CENPE: variants seen among roughly 807,000 people sequenced by gnomAD.
CENPE encodes centromere-associated protein E.
A neutral mutation model predicts 336.1 loss-of-function variants in CENPE; 145 were observed. That is an observed-to-expected ratio of 0.43 (90% CI 0.38 to 0.50). CENPE has a LOEUF of 0.50. Ranked by LOEUF, CENPE falls within the 20% of genes least tolerant of loss-of-function variation. The pLI, the probability that CENPE is intolerant of heterozygous loss-of-function variation, is 0.00. For synonymous variants in CENPE, 1,013 were observed against 984.8 expected (o/e 1.03, Z -0.54); for missense variants, 2,719 against 3,023.3 (o/e 0.90, Z 2.36).
intron 16 of CENPE, among the ~76,000 whole-genome samples, chr4:103,168,790 T>C (rs1459509955): frequency 3.3e-5 from 5 of 152,152 alleles, no homozygotes; most frequent in Non-Finnish European, 5.9e-5. Context: ...AGGTGTCCAG[T>C]AGTGCCTCTG....
At chr4:103,164,938 C>T (rs571528767) in intron 16 of CENPE, among the ~76,000 whole-genome samples, 9 of 152,194 alleles carry the variant, frequency 5.9e-5, no homozygotes, top group African/African-American at 1.7e-4. Flanking sequence ...TTTAAAAATA[C>T]TTAGAAGAGA....
intron 13 of CENPE, among the ~76,000 whole-genome samples, chr4:103,179,723 G>C (rs180896823): frequency 2.6e-5 from 4 of 152,220 alleles, no homozygotes; most frequent in Non-Finnish European, 5.9e-5. Flanking sequence ...GTGAATTCAA[G>C]AAATTGTCCA....
At chr4:103,133,998 A>G in intron 40 of CENPE, 106 bp from the exon 41 acceptor site, 1 of 721,280 alleles carries the variant, frequency 1.4e-6, no homozygotes, top group Admixed American at 2.6e-5. Flanking sequence ...TTATTTACCT[A>G]TATCCTCTCA....
At position 103,140,005 on chromosome 4, in the gene CENPE, A is replaced by C; in HGVS notation, c.5988T>G (p.Ile1996Met). The change falls in exon 38 of 49, where the codon ATT becomes ATG. Residue 1996 changes from isoleucine (I) to methionine (M), a missense_variant. This residue lies in a region of CENPE where 2,437 missense variants were observed against 2,513.3 expected (regional missense o/e 0.97). Coordinates refer to ENST00000265148, the MANE Select transcript of CENPE (RefSeq NM_001813.3). ...GCTTCTTCAACTGTTCCATTTCATTAATTTTTTTATGACTCATATTGACAT... is the reference window on the plus strand; with the variant it reads ...GCTTCTTCAACTGTTCCATTTCATTCATTTTTTTATGACTCATATTGACAT... ...KEDVNMSHKKINEMEQLKKQF... is the reference protein window; with the variant it reads ...KEDVNMSHKKMNEMEQLKKQF... 6.2e-7 allele frequency: 1 copy of C among 1,612,716 alleles called. No homozygotes were observed. The highest frequency in any genetic ancestry group is 8.5e-7 in the Non-Finnish European group (1 of 1,179,220).
At chr4:103,123,710 A>G (rs1750849157) in intron 42 of CENPE, among the ~76,000 whole-genome samples, 1 of 152,192 alleles carries the variant, frequency 6.6e-6, no homozygotes, top group Non-Finnish European at 1.5e-5. Context: ...GTGGTAGAAG[A>G]CAAGAACAGA....
At chr4:103,115,262 T>C (rs1749986625) in intron 45 of CENPE, among the ~76,000 whole-genome samples, 1 of 152,000 alleles carries the variant, frequency 6.6e-6, no homozygotes, top group Admixed American at 6.6e-5. Context: ...GCCTCCTGAG[T>C]AGCTGGGATT....
chr4:103,185,026 C>T (rs546054138), intron 9 of CENPE, among the ~76,000 whole-genome samples: 6 of 151,980 alleles, frequency 3.9e-5, no homozygotes, highest in African/African-American at 1.4e-4. Context: ...TTTCTTAGGC[C>T]GGGTGTGGTG....
At chr4:103,182,679 A>T in intron 11 of CENPE, 83 bp downstream of exon 11, 1 of 1,186,578 alleles carries the variant, frequency 8.4e-7, no homozygotes, top group Non-Finnish European at 1.2e-6. Flanking sequence ...ATTAAAAAAA[A>T]CTATGCTTAA....
chr4:103,156,765 A>C (rs1753989811), intron 24 of CENPE, among the ~76,000 whole-genome samples: 2 of 152,170 alleles, frequency 1.3e-5, no homozygotes, highest in African/African-American at 4.8e-5. Context: ...TGTGTATCAA[A>C]GGATACAATC....
At position 103,140,338 on chromosome 4, in the gene CENPE, C is replaced by T; in HGVS notation, c.5831G>A (p.Arg1944Lys). 1.2e-6 allele frequency: 2 copies of T among 1,606,616 alleles called. No homozygotes were observed. The highest frequency in any genetic ancestry group is 1.7e-6 in the Non-Finnish European group (2 of 1,175,900). Reference sequence around the variant, plus strand: ...AATTGTCTTTTCTGAAATTTTTTCTCTAAGTTTATCAACAGTTTCTTTGTG... The same window carrying T: ...AATTGTCTTTTCTGAAATTTTTTCTTTAAGTTTATCAACAGTTTCTTTGTG... ...KEHKETVDKLREKISEKTIQI... is the reference protein window; with the variant it reads ...KEHKETVDKLKEKISEKTIQI... Residue 1944 changes from arginine (R) to lysine (K), a missense_variant, in exon 37 of 49, where the codon AGA becomes AAA. By Grantham distance (26) the Arg-to-Lys change is conservative (BLOSUM62 2). Around this residue, in one of 5 missense-constraint regions of CENPE, gnomAD observed 2,437 missense variants for 2,513.3 expected, o/e 0.97. Coordinates refer to ENST00000265148, the MANE Select transcript of CENPE (RefSeq NM_001813.3).
In CENPE at chr4:103,158,924, C is replaced by T; in HGVS notation, c.2602-38G>A. 3 of 1,571,198 alleles carry T rather than the reference C, an allele frequency of 1.9e-6. No individual in the cohort carries two copies. In the South Asian group the frequency reaches 3.7e-5, roughly 19 times the overall value. On this transcript the variant is annotated intron_variant, in intron 22 of 48. Coordinates refer to ENST00000265148, the MANE Select transcript of CENPE (RefSeq NM_001813.3). Reference sequence around the variant, plus strand: ...AAAAGTAAATGTCACACAGTAAAAGCAGAGCAGTCTGAGGCATACATATAT... The same window carrying T: ...AAAAGTAAATGTCACACAGTAAAAGTAGAGCAGTCTGAGGCATACATATAT...
rs182744810 is a variant in CENPE, at chr4:103,160,685, T to A, written c.2226A>T (p.Glu742Asp). The change falls in exon 21 of 49, where the codon GAA becomes GAT. Residue 742 changes from glutamate to aspartate, a missense_variant. Glu to Asp is a conservative substitution (Grantham distance 45, BLOSUM62 2). Transcript: ENST00000265148. ...EVEENEALRE[E>D]VILLSELKSL... ...ATTTCAATTCTGAAAGCAAAATGACTTCTTCCCGCAAAGCTTCATTTTCTT... is the reference window on the plus strand; with the variant it reads ...ATTTCAATTCTGAAAGCAAAATGACATCTTCCCGCAAAGCTTCATTTTCTT... The A allele has an allele frequency of 1.6e-5, 26 of 1,611,136 alleles. 1 individual carries two copies. The Admixed American group carries it at 3.0e-4, about 19-fold the overall frequency.
intron 8 of CENPE, among the ~76,000 whole-genome samples, chr4:103,194,021 T>C (rs72665102): frequency 1.5e-3 from 222 of 152,092 alleles, no homozygotes; most frequent in Non-Finnish European, 2.8e-3. Flanking sequence ...ATGGCAACCA[T>C]GACATAACAG....
chr4:103,149,501 T>A, intron 26 of CENPE, 93 bp from the exon 27 acceptor site: 1 of 1,063,682 alleles, frequency 9.4e-7, no homozygotes, highest in Non-Finnish European at 1.3e-6. Context: ...TATCAGCATA[T>A]AAATAGGTAA....
At chr4:103,116,874 T>C (rs549742553) in intron 44 of CENPE, among the ~76,000 whole-genome samples, 185 bp from the exon 45 acceptor site, 1 of 152,268 alleles carries the variant, frequency 6.6e-6, no homozygotes, top group Non-Finnish European at 1.5e-5. Flanking sequence ...TATTTGAAGC[T>C]AATATGCAAT....
intron 8 of CENPE, among the ~76,000 whole-genome samples, chr4:103,190,334 A>C (rs1757187910): frequency 6.6e-6 from 1 of 152,234 alleles, no homozygotes; most frequent in Non-Finnish European, 1.5e-5. Context: ...CGCATTGCCA[A>C]GTCAATCCTA....
chr4:103,145,486 C>T lies in CENPE; in HGVS notation c.4572+37G>A, dbSNP rs113332970. On this transcript the variant is annotated intron_variant, in intron 31 of 48. Transcript: ENST00000265148. ...AATTCAGTTAGCTACTCCAAACCCA[C>T]CCATTTCCTCCCACTGTTTCTTCAT... 3.5e-4 allele frequency: 540 copies of T among 1,560,670 alleles called. 5 individuals are homozygous for T. In the African/African-American group the frequency reaches 6.4e-3, roughly 18 times the overall value.
Position 103,149,008 on chromosome 4 carries a change from G to A in CENPE, c.3688-9C>T, listed in dbSNP as rs1353469737. On this transcript the variant is annotated splice_polypyrimidine_tract_variant and intron_variant, in intron 27 of 48. Transcript: ENST00000265148. Reference sequence around the variant, plus strand: ...TCTTTGGTTTGTAGGCCCTTGGCGAGTGAAATTTAAAGAATATTGTAATAT... The same window carrying A: ...TCTTTGGTTTGTAGGCCCTTGGCGAATGAAATTTAAAGAATATTGTAATAT... The A allele has an allele frequency of 8.1e-6, 13 of 1,607,286 alleles. No homozygotes were observed. The highest frequency in any genetic ancestry group is 4.0e-5 in the African/African-American group (3 of 74,176).
intron 29 of CENPE, among the ~76,000 whole-genome samples, chr4:103,146,792 G>A: frequency 6.6e-6 from 1 of 152,236 alleles, no homozygotes; most frequent in East Asian, 1.9e-4. Flanking sequence ...CTAAGAATGA[G>A]TGTGGGAAGA....
Sources: gnomAD v4.1 joint callset for allele counts (sites outside exome capture counted in the v4.1 genomes callset) on GRCh38, gnomAD v4.1.1 for gene constraint, gnomAD v4.1.1 regional missense constraint, MANE v1.5 for transcripts, NCBI Gene and HGNC (gene_info 2026-07-23, HGNC 2026-07-21) for gene names.